The following LHFPL2 variants were observed in gnomAD, a reference collection of about 807,000 sequenced individuals.
LHFPL2 encodes the protein LHFPL tetraspan subfamily member 2.
Under a neutral mutation model 17.5 loss-of-function variants are expected in LHFPL2, and 7 were observed. That is an observed-to-expected ratio of 0.40 (90% CI 0.23 to 0.75). The LOEUF (loss-of-function observed/expected upper bound fraction) is 0.75, where lower values mean the gene tolerates loss of function less well. Ranked by LOEUF, LHFPL2 falls within the 30% of genes least tolerant of loss-of-function variation. LHFPL2 has a pLI of 0.37. For synonymous variants in LHFPL2, 134 were observed against 116.2 expected, an observed-to-expected ratio of 1.15 and a Z score of -0.99; for missense variants, 241 against 294.8, an observed-to-expected ratio of 0.82 and a Z score of 1.34.
chr5:78,608,174 C>T lies in LHFPL2; in HGVS notation c.-245+24090G>A, dbSNP rs1744293196. On this transcript the variant is annotated intron_variant, in intron 2 of 4. Transcript: ENST00000380345. The stretch of plus-strand genomic sequence containing the variant: ...GACTGAAAGGAGCAGAGAAAACATT[C>T]TAAAAGGAACCAGAGATGGTCATGA... Among the ~76,000 whole-genome samples the T allele has an allele frequency of 2.0e-5, 3 of 152,174 alleles. No homozygotes were observed. In the South Asian group the frequency reaches 6.2e-4, roughly 32 times the overall value.
chr5:78,636,385 G>A (rs1745450632), intron 1 of LHFPL2, among the ~76,000 whole-genome samples: 1 of 152,340 alleles, frequency 6.6e-6, no homozygotes, highest in Non-Finnish European at 1.5e-5. Context: ...TTTCGGGTAA[G>A]GAGCTACTTC....
At chr5:78,524,284 C>A (rs1170241364) in intron 3 of LHFPL2, among the ~76,000 whole-genome samples, 2 of 152,148 alleles carry the variant, frequency 1.3e-5, no homozygotes, top group African/African-American at 2.4e-5. Flanking sequence ...ACCCAATAAG[C>A]CCAAGACACC....
intron 3 of LHFPL2, among the ~76,000 whole-genome samples, chr5:78,556,669 T>A (rs548781247): frequency 6.6e-6 from 1 of 152,262 alleles, no homozygotes; most frequent in South Asian, 2.1e-4. Context: ...ATATACATCA[T>A]AAGACAGAAT....
chr5:78,522,689 G>A (rs1166463325), intron 3 of LHFPL2, among the ~76,000 whole-genome samples: 3 of 152,132 alleles, frequency 2.0e-5, no homozygotes, highest in East Asian at 3.9e-4. Context: ...AGGCAGGGAA[G>A]GAGACCTGAA....
At chr5:78,534,488 C>T (rs1755884276) in intron 3 of LHFPL2, among the ~76,000 whole-genome samples, 1 of 152,188 alleles carries the variant, frequency 6.6e-6, no homozygotes, top group Admixed American at 6.5e-5. Flanking sequence ...TATGACTCCC[C>T]CATTCCGCGG....
At chr5:78,588,292 T>C (rs1743502932) in intron 2 of LHFPL2, among the ~76,000 whole-genome samples, 2 of 152,204 alleles carry the variant, frequency 1.3e-5, no homozygotes, top group African/African-American at 4.8e-5. Context: ...TGCCTCAGCC[T>C]CCCGAGTGAT....
intron 1 of LHFPL2, among the ~76,000 whole-genome samples, chr5:78,636,635 G>A (rs923989894): frequency 3.0e-4 from 45 of 152,162 alleles, no homozygotes; most frequent in South Asian, 6.2e-4. Flanking sequence ...ACTTAACAAC[G>A]CTCATTATCT....
rs78355510 is a variant in LHFPL2 at position 78,551,014 on chromosome 5, C to A, written c.-186+13799G>T. ...TAAACAATGGTGATTCACCAAAAGA[C>A]AGAGCAGTCAGTGGCCAATTTACTA... On this transcript the variant is annotated intron_variant, in intron 3 of 4. Transcript: ENST00000380345. Among the ~76,000 whole-genome samples the A allele has an allele frequency of 8.2e-3, 1,248 of 152,336 alleles. 10 individuals are homozygous for A. Among genetic ancestry groups the A allele is most frequent in the Non-Finnish European group, 0.012 (845 of 68,036 alleles).
chr5:78,648,209 G>A lies in LHFPL2; in HGVS notation c.-350+290C>T, dbSNP rs1241677096. ...AGGGCTCGCGCCGGCTTCCCGAGGA[G>A]ACGCTGTTCCCGGCACAACTTTTTT... On this transcript the variant is annotated intron_variant, in intron 1 of 4. Transcript: ENST00000380345. This position sits in a 1 kb window ranked among gnomAD's most constrained non-coding sequence, Gnocchi z 5.4. Among the ~76,000 whole-genome samples, 1 of 152,150 alleles carries A rather than the reference G, an allele frequency of 6.6e-6. No homozygotes were observed. The highest frequency in any genetic ancestry group is 2.4e-5 in the African/African-American group (1 of 41,456).
At chr5:78,503,199 A>T (rs1356613393) in intron 4 of LHFPL2, among the ~76,000 whole-genome samples, 2 of 152,192 alleles carry the variant, frequency 1.3e-5, no homozygotes, top group African/African-American at 4.8e-5. Flanking sequence ...TGCTCATGTA[A>T]ATATTCAGGG....
chr5:78,624,392 C>G (rs1207750526), intron 2 of LHFPL2, among the ~76,000 whole-genome samples: 4 of 152,172 alleles, frequency 2.6e-5, no homozygotes, highest in Non-Finnish European at 5.9e-5. Context: ...ACAAATTCCA[C>G]CCAAAAATGG....
In LHFPL2 at chr5:78,602,953, C is replaced by T. The variant is rs559266142; in HGVS notation, c.-245+29311G>A. ...GTCACCAGGCTAGAGTGCAGTGGTGCGATCTCAGCTCACTGCAACCTTCGC... is the reference window on the plus strand; with the variant it reads ...GTCACCAGGCTAGAGTGCAGTGGTGTGATCTCAGCTCACTGCAACCTTCGC... On this transcript the variant is annotated intron_variant, in intron 2 of 4. Coordinates refer to ENST00000380345, the MANE Select transcript of LHFPL2 (RefSeq NM_005779.3). Among the ~76,000 whole-genome samples the T allele has an allele frequency of 3.3e-5, 5 of 152,220 alleles. No individual in the cohort carries two copies. The South Asian group carries it at 1.0e-3, about 32-fold the overall frequency.
At chr5:78,500,578 C>T (rs1754744203) in intron 4 of LHFPL2, among the ~76,000 whole-genome samples, 2 of 152,142 alleles carry the variant, frequency 1.3e-5, no homozygotes, top group African/African-American at 4.8e-5. Flanking sequence ...CAAAGGTATT[C>T]AATCCTGCTT....
In LHFPL2 at chr5:78,585,002, T is replaced by G. The variant is rs1358972733; in HGVS notation, c.-244-20131A>C. On this transcript the variant is annotated intron_variant, in intron 2 of 4. Transcript: ENST00000380345. Reference sequence around the variant, plus strand: ...AATCTCCTGGTGCGCTGTGTTTTTTTTTTTTTTTTTTTTTTTTTTTTTGAG... The same window carrying G: ...AATCTCCTGGTGCGCTGTGTTTTTTGTTTTTTTTTTTTTTTTTTTTTTGAG... Among the ~76,000 whole-genome samples the G allele has an allele frequency of 8.1e-5, 4 of 49,254 alleles. 1 individual carries two copies. The highest frequency in any genetic ancestry group is 1.7e-4 in the Non-Finnish European group (3 of 17,924). 32.3% of individuals were successfully genotyped at this position (49,254 alleles called of 152,430 possible). A position where few individuals can be genotyped will look rare whatever the true frequency, so the allele number is the denominator to read the frequency against.
At chr5:78,581,058 T>C (rs1263325698) in intron 2 of LHFPL2, among the ~76,000 whole-genome samples, 1 of 152,162 alleles carries the variant, frequency 6.6e-6, no homozygotes, top group Non-Finnish European at 1.5e-5. Context: ...GAAGAGGTCC[T>C]TCCCATCCCT....
At chr5:78,490,746 C>CAAAAAAAAAAAAAAAAAAAA (rs370809060) in intron 4 of LHFPL2, among the ~76,000 whole-genome samples, 5 of 92,126 alleles carry the variant, frequency 5.4e-5, no homozygotes, top group African/African-American at 2.4e-4. Context: ...GACTCCCTCT[C>CAAAAAAAAAAAAAAAAAAAA]AAAAAAAAAA....
rs115658914 is a variant in LHFPL2 at position 78,544,144 on chromosome 5, G to A, written c.-186+20669C>T. On this transcript the variant is annotated intron_variant, in intron 3 of 4. Transcript: ENST00000380345. ...GTCCCTTGTTATGGCAGCTTCCCAC[G>A]TGGCTGTCTTCCAGATATAGTTTGT... Among the ~76,000 whole-genome samples, 923 of 152,254 alleles carry A rather than the reference G, an allele frequency of 6.1e-3. 8 individuals are homozygous for A. Among genetic ancestry groups the A allele is most frequent in the African/African-American group, 0.021 (870 of 41,544 alleles).
In LHFPL2 at chr5:78,634,119, C is replaced by G. The variant is rs151313152; in HGVS notation, c.-349-1751G>C. Among the ~76,000 whole-genome samples, 229 of 152,242 alleles carry G rather than the reference C, an allele frequency of 1.5e-3. 2 individuals are homozygous for G. The highest frequency in any genetic ancestry group is 0.012 in the Admixed American group (191 of 15,288). ...AAAAGAAAAAAGATTACCCCTCCCC[C>G]CAAAAAAAGCATATTTCTGTAAACA... On this transcript the variant is annotated intron_variant, in intron 1 of 4. Coordinates refer to ENST00000380345, the MANE Select transcript of LHFPL2 (RefSeq NM_005779.3).
chr5:78,517,951 C>A (rs972174795), intron 3 of LHFPL2, among the ~76,000 whole-genome samples: 4 of 152,174 alleles, frequency 2.6e-5, no homozygotes, highest in African/African-American at 7.2e-5. Context: ...GGGGGCAAGT[C>A]TTTCTTTGTG....
Sources: gnomAD v4.1 joint callset for allele counts (sites outside exome capture counted in the v4.1 genomes callset) on GRCh38, gnomAD v4.1.1 for gene constraint, Gnocchi (gnomAD v3.1) non-coding constraint, MANE v1.5 for transcripts, NCBI Gene and HGNC (gene_info 2026-07-23, HGNC 2026-07-21) for gene names.